The following ZFHX3 variants were observed in gnomAD, a reference collection of about 807,000 sequenced individuals.
ZFHX3 encodes zinc finger homeobox 3.
In ZFHX3, 42 loss-of-function variants were observed where a neutral mutation model predicts 279.1. The ratio of observed to expected loss-of-function variants is 0.15; its 90% confidence interval spans 0.12 to 0.19. ZFHX3 has a LOEUF of 0.19. Ranked by LOEUF, ZFHX3 falls within the 10% of genes least tolerant of loss-of-function variation. The pLI is 1.00. For synonymous variants in ZFHX3, 2,293 were observed against 1,957.8 expected, an observed-to-expected ratio of 1.17 and a Z score of -4.52; for missense variants, 4,981 against 4,754.0, an observed-to-expected ratio of 1.05 and a Z score of -1.40.
intron 3 of ZFHX3, among the ~76,000 whole-genome samples, chr16:73,389,796 G>C (rs2016975286): frequency 6.6e-6 from 1 of 152,244 alleles, no homozygotes; most frequent in Admixed American, 6.5e-5. Context: ...ATGGCAGCTA[G>C]TGCCTGTAAT....
intron 2 of ZFHX3, among the ~76,000 whole-genome samples, chr16:73,536,023 A>T (rs2019895904): frequency 6.6e-6 from 1 of 152,026 alleles, no homozygotes; most frequent in Non-Finnish European, 1.5e-5. Flanking sequence ...CTCTCGGCCA[A>T]GCCCCCCATC....
intron 1 of ZFHX3, among the ~76,000 whole-genome samples, chr16:73,727,652 T>C (rs1295594420): frequency 1.3e-5 from 2 of 152,206 alleles, no homozygotes; most frequent in Admixed American, 1.3e-4. Flanking sequence ...TCCCATCCCA[T>C]TTCTAGGTAT....
chr16:73,882,910 A>G (rs1157385152), intron 1 of ZFHX3, among the ~76,000 whole-genome samples: 2 of 152,112 alleles, frequency 1.3e-5, no homozygotes, highest in African/African-American at 4.8e-5. Context: ...CTTGTGGGTC[A>G]TTTGTTCCCT....
At chr16:73,653,269 A>G (rs10871332) in intron 2 of ZFHX3, among the ~76,000 whole-genome samples, 32,905 of 152,126 alleles carry the variant, frequency 0.22, 3,647 homozygotes, top group South Asian at 0.22. Flanking sequence ...CATTATACTC[A>G]GCAACTACAC....
At position 72,787,773 on chromosome 16, in the gene ZFHX3, C is replaced by T; in HGVS notation, c.10503G>A (p.Val3501=). The T allele has an allele frequency of 6.6e-7, 1 of 1,517,226 alleles. No homozygotes were observed. Among genetic ancestry groups the T allele is most frequent in the Non-Finnish European group, 8.8e-7 (1 of 1,131,902 alleles). The allele number at this position is 1,517,226 out of a possible 1,614,324, so 94.0% of individuals were successfully genotyped here. ...CGCCGCCGCCGGTGGGGACGTGAAG[C>T]ACCATCTCTTGCAGGTTCACCACAG... is the stretch of plus-strand genomic sequence containing the variant. ...GQSVVNLQEM[V]LHVPTGGGGG... Residue 3501 remains valine, a synonymous_variant, in exon 10 of 10, where the codon GTG becomes GTA. Transcript: ENST00000268489.
chr16:73,239,459 C>T (rs907000038), intron 5 of ZFHX3, among the ~76,000 whole-genome samples: 2 of 152,226 alleles, frequency 1.3e-5, no homozygotes, highest in Non-Finnish European at 2.9e-5. Flanking sequence ...GCCTGTTTCC[C>T]TATGTTATGC....
chr16:73,027,013 C>T (rs1016524700), intron 1 of ZFHX3, among the ~76,000 whole-genome samples: 10 of 152,264 alleles, frequency 6.6e-5, no homozygotes, highest in African/African-American at 2.4e-4. Flanking sequence ...ACCTACACCA[C>T]ATGATAGCAT....
At chr16:73,176,431 C>T (rs1967665976) in intron 5 of ZFHX3, among the ~76,000 whole-genome samples, 1 of 152,104 alleles carries the variant, frequency 6.6e-6, no homozygotes, top group Non-Finnish European at 1.5e-5. Flanking sequence ...TTATCACCTC[C>T]CTTTATGTGA....
intron 2 of ZFHX3, among the ~76,000 whole-genome samples, chr16:73,598,530 A>G (rs1398567148): frequency 6.8e-6 from 1 of 147,652 alleles, no homozygotes. Context: ...CAATCCTTCC[A>G]TCTCACCCTC....
At chr16:72,892,482 C>T (rs1415185544) in intron 3 of ZFHX3, among the ~76,000 whole-genome samples, 1 of 151,326 alleles carries the variant, frequency 6.6e-6, no homozygotes, top group Non-Finnish European at 1.5e-5. Flanking sequence ...TAAATTTGAG[C>T]TGCTTTTTGT....
At chr16:73,366,289 T>A (rs976709894) in intron 3 of ZFHX3, among the ~76,000 whole-genome samples, 1 of 152,204 alleles carries the variant, frequency 6.6e-6, no homozygotes, top group Non-Finnish European at 1.5e-5. Context: ...CTGGATGGGA[T>A]ACTATGTAGC....
intron 1 of ZFHX3, among the ~76,000 whole-genome samples, chr16:72,961,129 C>T (rs11647340): frequency 0.82 from 124,317 of 152,086 alleles, 52,547 homozygotes; most frequent in Non-Finnish European, 0.94. Context: ...CAGCTTCTAT[C>T]TGGCCCTGGC....
At chr16:73,241,790 C>CAAAAAAAAAAAAA (rs60214410) in intron 5 of ZFHX3, among the ~76,000 whole-genome samples, 25 of 51,282 alleles carry the variant, frequency 4.9e-4, no homozygotes, top group African/African-American at 2.1e-3. Context: ...AACTCCGTCT[C>CAAAAAAAAAAAAA]AAAAAAAAAA....
intron 5 of ZFHX3, among the ~76,000 whole-genome samples, chr16:73,210,848 A>AT (rs745985267): frequency 2.6e-4 from 40 of 151,866 alleles, no homozygotes; most frequent in Non-Finnish European, 5.6e-4. Context: ...TTCCCAAAAG[A>AT]TTTTTTCAAA....
intron 3 of ZFHX3, among the ~76,000 whole-genome samples, chr16:73,382,068 G>C (rs1005364408): frequency 6.6e-6 from 1 of 152,184 alleles, no homozygotes; most frequent in South Asian, 2.1e-4. Context: ...GCCATAGTTT[G>C]TCAACCTCTG....
chr16:73,279,607 T>A (rs1205535678), intron 4 of ZFHX3, among the ~76,000 whole-genome samples: 1 of 152,136 alleles, frequency 6.6e-6, no homozygotes, highest in African/African-American at 2.4e-5. Flanking sequence ...GTAAAGGCAA[T>A]CCGGTCTTTT....
At chr16:73,459,527 C>T (rs2018435678) in intron 2 of ZFHX3, among the ~76,000 whole-genome samples, 1 of 152,076 alleles carries the variant, frequency 6.6e-6, no homozygotes, top group South Asian at 2.1e-4. Context: ...CACACCAGCT[C>T]ATTTTTGTAA....
chr16:73,508,025 G>A (rs771855145), intron 2 of ZFHX3, among the ~76,000 whole-genome samples: 11 of 152,218 alleles, frequency 7.2e-5, no homozygotes, highest in African/African-American at 1.4e-4. Context: ...ATTGATACAC[G>A]GTATTGATAT....
At chr16:73,418,048 A>G (rs2017630588) in intron 3 of ZFHX3, among the ~76,000 whole-genome samples, 1 of 151,864 alleles carries the variant, frequency 6.6e-6, no homozygotes, top group African/African-American at 2.4e-5. Flanking sequence ...AAGGAAAGAC[A>G]GTAAGTCATG....
Sources: gnomAD v4.1 joint callset for allele counts (sites outside exome capture counted in the v4.1 genomes callset) on GRCh38, gnomAD v4.1.1 for gene constraint, MANE v1.5 for transcripts, NCBI Gene and HGNC (gene_info 2026-07-23, HGNC 2026-07-21) for gene names.